GALNTL6: variants seen among roughly 807,000 people sequenced by gnomAD.
GALNTL6 encodes the protein polypeptide N-acetylgalactosaminyltransferase like 6.
In GALNTL6, 46 loss-of-function variants were observed where a neutral mutation model predicts 73.7. The ratio of observed to expected loss-of-function variants is 0.62; its 90% CI spans 0.49 to 0.80. GALNTL6 has a LOEUF of 0.80. GALNTL6 is among the 30% of genes least tolerant of loss of function. The pLI, the probability that GALNTL6 is intolerant of heterozygous loss-of-function variation, is 0.00. For missense variants in GALNTL6, 604 were observed against 755.0 expected (o/e 0.80, Z 2.34); for synonymous variants, 259 against 263.7 (o/e 0.98, Z 0.17).
intron 2 of GALNTL6, among the ~76,000 whole-genome samples, chr4:171,866,464 T>G (rs535823600): frequency 6.6e-6 from 1 of 152,174 alleles, no homozygotes; most frequent in Non-Finnish European, 1.5e-5. Flanking sequence ...AGGGGTAAAA[T>G]TATCTCATAG....
intron 5 of GALNTL6, among the ~76,000 whole-genome samples, chr4:172,527,100 G>A (rs1734986251): frequency 6.6e-6 from 1 of 152,130 alleles, no homozygotes; most frequent in Non-Finnish European, 1.5e-5. Flanking sequence ...CACAGATCTG[G>A]AGTCTAGCAT....
In GALNTL6 at chr4:172,255,265, G is replaced by A. The variant is rs1158603192; in HGVS notation, c.247+25501G>A. Reference sequence around the variant, plus strand: ...CCAGTGCTTCAAATCATTAGTTACCGCAATGTGGTTTGTAGGTTTCATTGA... The same window carrying A: ...CCAGTGCTTCAAATCATTAGTTACCACAATGTGGTTTGTAGGTTTCATTGA... On this transcript the variant is annotated intron_variant, in intron 3 of 12. Transcript: ENST00000506823. Among the ~76,000 whole-genome samples, 5 of 109,172 alleles carry A rather than the reference G, an allele frequency of 4.6e-5. No individual in the cohort carries two copies. In the South Asian group the frequency reaches 7.9e-4, roughly 17 times the overall value. 71.6% of individuals were successfully genotyped at this position (109,172 alleles called of 152,430 possible). A position where few individuals can be genotyped will look rare whatever the true frequency, so the allele number is the denominator to read the frequency against.
At chr4:172,631,698 T>A (rs1480158581) in intron 5 of GALNTL6, among the ~76,000 whole-genome samples, 1 of 152,198 alleles carries the variant, frequency 6.6e-6, no homozygotes, top group Non-Finnish European at 1.5e-5. Flanking sequence ...GCAAAACCAG[T>A]GTGATTTGCT....
intron 2 of GALNTL6, among the ~76,000 whole-genome samples, chr4:172,172,673 A>AGTGGACGGATCAGAGACATCTTTGGATT (rs1734869029): frequency 6.6e-6 from 1 of 152,148 alleles, no homozygotes; most frequent in Admixed American, 6.6e-5. Flanking sequence ...CTGTGAGAAA[A>AGTGGACGGATCAGAGACATCTTTGGATT]TAAATTATAG....
chr4:172,012,219 A>G (rs10030036), intron 2 of GALNTL6, among the ~76,000 whole-genome samples: 138,525 of 151,846 alleles, frequency 0.91, 63,787 homozygotes, highest in South Asian at 0.98. Flanking sequence ...GATATGATGA[A>G]AACACATTGA....
chr4:172,100,021 G>C (rs1488464960), intron 2 of GALNTL6, among the ~76,000 whole-genome samples: 1 of 151,992 alleles, frequency 6.6e-6, no homozygotes, highest in African/African-American at 2.4e-5. Flanking sequence ...GGCACACAAA[G>C]GAGATACTAT....
rs376875794 is a variant in GALNTL6 at position 172,958,958 on chromosome 4, G to T, written c.1371+6700G>T. Among the ~76,000 whole-genome samples the T allele has an allele frequency of 7.9e-5, 12 of 152,280 alleles. No homozygotes were observed. In the South Asian group the frequency reaches 2.1e-3, roughly 26 times the overall value. Reference sequence around the variant, plus strand: ...TAGGCAAAACAATTTGGTTGATAAGGCACAGATCCTGAACTAACCTGTAAG... The same window carrying T: ...TAGGCAAAACAATTTGGTTGATAAGTCACAGATCCTGAACTAACCTGTAAG... On this transcript the variant is annotated intron_variant, in intron 10 of 12. Transcript: ENST00000506823.
intron 2 of GALNTL6, among the ~76,000 whole-genome samples, chr4:171,954,540 AC>A (rs1394936932): frequency 6.6e-6 from 1 of 152,244 alleles, no homozygotes; most frequent in East Asian, 1.9e-4. Flanking sequence ...ATTAAGAAAT[AC>A]ACAAGGGAGA....
chr4:172,244,077 A>C (rs1215426490), intron 3 of GALNTL6, among the ~76,000 whole-genome samples: 1 of 152,178 alleles, frequency 6.6e-6, no homozygotes, highest in Non-Finnish European at 1.5e-5. Context: ...CTCTCAATAG[A>C]TATCATAATG....
At chr4:172,035,152 A>G (rs1741895564) in intron 2 of GALNTL6, among the ~76,000 whole-genome samples, 1 of 152,142 alleles carries the variant, frequency 6.6e-6, no homozygotes, top group Non-Finnish European at 1.5e-5. Flanking sequence ...ATATTTCAAA[A>G]TAGTATAAAG....
chr4:172,117,886 CT>C (rs1733029845), intron 2 of GALNTL6, among the ~76,000 whole-genome samples: 1 of 152,086 alleles, frequency 6.6e-6, no homozygotes, highest in South Asian at 2.1e-4. Context: ...ATCAGAACAA[CT>C]GCCAATTCTG....
chr4:171,903,500 C>A (rs9760922), intron 2 of GALNTL6, among the ~76,000 whole-genome samples: 1 of 151,476 alleles, frequency 6.6e-6, no homozygotes, highest in Non-Finnish European at 1.5e-5. Flanking sequence ...CCCACGCCCA[C>A]GGAGTCTCGC....
At chr4:172,702,997 C>G (rs764252315) in intron 5 of GALNTL6, among the ~76,000 whole-genome samples, 44 of 151,686 alleles carry the variant, frequency 2.9e-4, no homozygotes, top group Non-Finnish European at 5.0e-4. Context: ...ATGTATACAA[C>G]CAAATCATTT....
intron 8 of GALNTL6, among the ~76,000 whole-genome samples, chr4:172,889,082 A>C (rs1745880110): frequency 6.6e-6 from 1 of 152,206 alleles, no homozygotes. Flanking sequence ...GTGTATAAAA[A>C]TACTACTAAA....
intron 7 of GALNTL6, among the ~76,000 whole-genome samples, chr4:172,845,308 C>T (rs553764563): frequency 4.6e-5 from 7 of 152,114 alleles, no homozygotes; most frequent in African/African-American, 1.7e-4. Context: ...TAAAAAACTC[C>T]TATTTCCTGG....
intron 3 of GALNTL6, among the ~76,000 whole-genome samples, chr4:172,267,030 G>C (rs2111048404): frequency 6.6e-6 from 1 of 152,214 alleles, no homozygotes; most frequent in East Asian, 1.9e-4. Flanking sequence ...CAATTCAGTT[G>C]TCCCTTGGAT....
chr4:172,294,320 T>G (rs2654784), intron 3 of GALNTL6, among the ~76,000 whole-genome samples: 150,906 of 152,202 alleles, frequency 0.99, 74,826 homozygotes, highest in Middle Eastern at 1. Flanking sequence ...CAAATGACAT[T>G]TAAAATACTT....
chr4:172,668,886 G>C (rs1215108563), intron 5 of GALNTL6: 1 of 152,076 alleles, frequency 6.6e-6, no homozygotes, highest in Admixed American at 6.6e-5. Context: ...ACACCACATC[G>C]ATTAAGGTCA....
intron 2 of GALNTL6, among the ~76,000 whole-genome samples, chr4:171,967,454 T>TTTTTTTTTTG (rs1553976680): frequency 4.5e-5 from 2 of 44,542 alleles, no homozygotes; most frequent in Admixed American, 3.0e-4. Flanking sequence ...TGGGTTTTTT[T>TTTTTTTTTTG]TTTTTTTTTT....
Sources: allele counts gnomAD v4.1 joint callset (sites outside exome capture counted in the v4.1 genomes callset), GRCh38; gene constraint gnomAD v4.1.1; transcripts MANE v1.5; gene names NCBI Gene and HGNC (gene_info 2026-07-23, HGNC 2026-07-21).